Variants in PRKRIP1 observed in about 807,000 individuals in gnomAD.
PRKRIP1 encodes the protein PRKR-interacting protein 1.
A neutral mutation model predicts 29.3 loss-of-function variants in PRKRIP1; 29 were observed. That is an observed-to-expected ratio of 0.99 (90% confidence interval 0.74 to 1.35). The LOEUF (loss-of-function observed/expected upper bound fraction) is 1.35, where lower values mean the gene tolerates loss of function less well. Among genes scored for constraint, PRKRIP1 ranks in the 40% most tolerant of loss-of-function variants. The probability of loss-of-function intolerance (pLI) is 0.00; values close to 1 mark genes in which losing one functional copy is unlikely to be tolerated. For synonymous variants in PRKRIP1, 90 were observed against 85.1 expected, an observed-to-expected ratio of 1.06 and a Z score of -0.32; for missense variants, 247 against 236.8, an observed-to-expected ratio of 1.04 and a Z score of -0.28.
chr7:102,423,165 A>C (rs782000360), intron 5 of PRKRIP1: 8 of 448,406 alleles, frequency 1.8e-5, no homozygotes, highest in South Asian at 1.2e-4. Flanking sequence ...CCCAGGCTGG[A>C]GTGCAGTGGC....
At chr7:102,411,225 A>G (rs1796373338) in intron 5 of PRKRIP1, among the ~76,000 whole-genome samples, 1 of 152,044 alleles carries the variant, frequency 6.6e-6, no homozygotes, top group South Asian at 2.1e-4. Context: ...CACCACCCTC[A>G]GGTAATTTTT....
At chr7:102,421,971 A>G (rs1168782615) in intron 5 of PRKRIP1, among the ~76,000 whole-genome samples, 1 of 151,954 alleles carries the variant, frequency 6.6e-6, no homozygotes, top group Non-Finnish European at 1.5e-5. Context: ...CGTCATATTT[A>G]TTACCGTTAA....
chr7:102,399,777 G>C, intron 3 of PRKRIP1, 129 bp downstream of exon 3: 1 of 650,774 alleles, frequency 1.5e-6, no homozygotes, highest in Non-Finnish European at 2.7e-6. Context: ...TTGGAAGGCC[G>C]AGGCAGGGGA....
chr7:102,424,315 G>A (rs1796779264), intron 5 of PRKRIP1, among the ~76,000 whole-genome samples: 1 of 152,272 alleles, frequency 6.6e-6, no homozygotes, highest in African/African-American at 2.4e-5. Context: ...AGTTGCTGAG[G>A]CCACCGTGCC....
chr7:102,397,317 A>C (rs1172977589), intron 1 of PRKRIP1, among the ~76,000 whole-genome samples: 1 of 151,790 alleles, frequency 6.6e-6, no homozygotes, highest in Non-Finnish European at 1.5e-5. Context: ...GCCAGGCGGG[A>C]GGATGGTCCG....
At chr7:102,396,731 G>T (rs1554570427) in intron 1 of PRKRIP1, among the ~76,000 whole-genome samples, 194 bp downstream of exon 1, 1 of 152,208 alleles carries the variant, frequency 6.6e-6, no homozygotes, top group African/African-American at 2.4e-5. Flanking sequence ...GTCTGTCCTT[G>T]TGTGAGAGCC....
intron 5 of PRKRIP1, among the ~76,000 whole-genome samples, chr7:102,418,095 G>T (rs1377655371): frequency 1.3e-5 from 2 of 150,422 alleles, no homozygotes; most frequent in Non-Finnish European, 3.0e-5. Flanking sequence ...GTTTGCCCAG[G>T]CTGGAGTGCA....
At position 102,425,395 on chromosome 7, in the gene PRKRIP1, T is replaced by G. The variant is rs1057106650; in HGVS notation, c.*284T>G. 4 of 480,706 alleles carry G rather than the reference T, an allele frequency of 8.3e-6. No individual in the cohort carries two copies. Among genetic ancestry groups the G allele is most frequent in the Non-Finnish European group, 1.5e-5 (4 of 273,154 alleles). The allele number at this position is 480,706 out of a possible 1,614,324, so 29.8% of individuals were successfully genotyped here. On this transcript the variant is annotated 3_prime_UTR_variant, in exon 6 of 6. Transcript: ENST00000397912. ...CCACATATTTGAACAGTGATGAGTT[T>G]GGGGCTGGTTTCTGGGAAGGGAACG...
chr7:102,409,858 G>A (rs1554572325), intron 5 of PRKRIP1, among the ~76,000 whole-genome samples: 1 of 152,024 alleles, frequency 6.6e-6, no homozygotes, highest in African/African-American at 2.4e-5. Flanking sequence ...GATCTCCTTT[G>A]CTGAGTAATT....
intron 5 of PRKRIP1, among the ~76,000 whole-genome samples, chr7:102,409,828 A>T (rs78483570): frequency 0.014 from 2,137 of 151,896 alleles, 41 homozygotes; most frequent in African/African-American, 0.043. Flanking sequence ...TGTCTCAAAA[A>T]AATAATAATA....
At position 102,420,132 on chromosome 7, in the gene PRKRIP1, C is replaced by T. The variant is rs557688453; in HGVS notation, c.458-4882C>T. Among the ~76,000 whole-genome samples, 7 of 152,212 alleles carry T rather than the reference C, an allele frequency of 4.6e-5. No individual in the cohort carries two copies. The South Asian group carries it at 1.0e-3, about 23-fold the overall frequency. On this transcript the variant is annotated intron_variant, in intron 5 of 5. Transcript: ENST00000397912. ...AACTCGTGACCTCAAGTGATCTGCCCGCCTTGGCCTCCCAAAGTGCTGGGA... is the reference window on the plus strand; with the variant it reads ...AACTCGTGACCTCAAGTGATCTGCCTGCCTTGGCCTCCCAAAGTGCTGGGA...
chr7:102,409,189 T>C (rs1554572260), intron 5 of PRKRIP1, among the ~76,000 whole-genome samples: 3 of 151,988 alleles, frequency 2.0e-5, no homozygotes, highest in African/African-American at 7.2e-5. Flanking sequence ...ATAAATAAAA[T>C]AAAATATGAT....
chr7:102,400,091 C>T (rs1405160319), intron 3 of PRKRIP1, among the ~76,000 whole-genome samples: 1 of 151,630 alleles, frequency 6.6e-6, no homozygotes, highest in African/African-American at 2.4e-5. Flanking sequence ...GGTCTGCCTT[C>T]TACGGACAGC....
chr7:102,410,517 C>T (rs1796352925), intron 5 of PRKRIP1, among the ~76,000 whole-genome samples: 1 of 152,162 alleles, frequency 6.6e-6, no homozygotes, highest in Admixed American at 6.5e-5. Context: ...CCAACAGCTC[C>T]CAACCCAGTC....
chr7:102,409,711 C>T (rs574055642), intron 5 of PRKRIP1, among the ~76,000 whole-genome samples: 1 of 151,990 alleles, frequency 6.6e-6, no homozygotes, highest in Non-Finnish European at 1.5e-5. Flanking sequence ...GTCGTCCTAT[C>T]TAGTCTGGAG....
chr7:102,418,485 C>T (rs1333215888), intron 5 of PRKRIP1, among the ~76,000 whole-genome samples: 1 of 152,170 alleles, frequency 6.6e-6, no homozygotes, highest in Non-Finnish European at 1.5e-5. Context: ...CCTGTGTACT[C>T]CACCAGTATA....
chr7:102,404,636 G>T lies in PRKRIP1; in HGVS notation c.345G>T (p.Lys115Asn), dbSNP rs1796162825. 9 of 1,613,974 alleles carry T rather than the reference G, an allele frequency of 5.6e-6. No homozygotes were observed. The highest frequency in any genetic ancestry group is 4.5e-5 in the East Asian group (2 of 44,884). Residue 115 changes from lysine to asparagine, a missense_variant, in exon 4 of 6, where the codon AAG (lysine) becomes AAT (asparagine). Transcript: ENST00000397912. ...CAGAGTTTCAGAAAAGACTGGAAAAGAATAAAATTGCTGCAGAGGAGCAGA... is the reference window on the plus strand; with the variant it reads ...CAGAGTTTCAGAAAAGACTGGAAAATAATAAAATTGCTGCAGAGGAGCAGA... The part of the protein sequence containing the change: ...LDAEFQKRLE[K>N]NKIAAEEQTA...
chr7:102,421,976 C>T (rs935632763), intron 5 of PRKRIP1, among the ~76,000 whole-genome samples: 4 of 151,868 alleles, frequency 2.6e-5, no homozygotes, highest in African/African-American at 7.3e-5. Flanking sequence ...TATTTATTAC[C>T]GTTAAGCACT....
At position 102,425,081 on chromosome 7, in the gene PRKRIP1, G is replaced by A. The variant is rs782339015; in HGVS notation, c.525G>A (p.Glu175=). ...AGGCATCTGGAACAGAGGAGGAGGA[G>A]GAAGTGCCCAGTTTCACCATGGGGC... ...SAEASGTEEE[E]EVPSFTMGR Residue 175 remains glutamate (E), a synonymous_variant, in exon 6 of 6, where the codon GAG becomes GAA. Transcript: ENST00000397912. 7.4e-6 allele frequency: 12 copies of A among 1,613,280 alleles called. 1 individual carries two copies. The highest frequency in any genetic ancestry group is 4.4e-5 in the South Asian group (4 of 91,030).
Sources: gnomAD v4.1 joint callset for allele counts (sites outside exome capture counted in the v4.1 genomes callset) on GRCh38, gnomAD v4.1.1 for gene constraint, MANE v1.5 for transcripts, NCBI Gene and HGNC (gene_info 2026-07-23, HGNC 2026-07-21) for gene names.